The following TBC1D14 variants were observed in gnomAD, a reference collection of about 807,000 sequenced individuals.
TBC1D14 encodes the protein TBC1 domain family, member 14.
Under a neutral mutation model 79.0 loss-of-function variants are expected in TBC1D14, and 26 were observed. The ratio of observed to expected loss-of-function variants is 0.33; its 90% CI spans 0.24 to 0.46. The LOEUF is 0.46. Ranked by LOEUF, TBC1D14 falls within the 20% of genes least tolerant of loss-of-function variation. TBC1D14 has a pLI of 1.00. For synonymous variants in TBC1D14, 394 were observed against 349.9 expected (o/e 1.13, Z -1.40); for missense variants, 769 against 887.6 (o/e 0.87, Z 1.70).
intron 8 of TBC1D14, among the ~76,000 whole-genome samples, 164 bp from the exon 9 acceptor site, chr4:7,006,468 C>G (rs1720206625): frequency 6.6e-6 from 1 of 152,214 alleles, no homozygotes; most frequent in South Asian, 2.1e-4. Flanking sequence ...ACCCTGCAAT[C>G]TGTTAAATAC....
intron 1 of TBC1D14, among the ~76,000 whole-genome samples, chr4:6,918,639 G>T (rs1455523924): frequency 6.6e-6 from 1 of 152,190 alleles, no homozygotes; most frequent in Non-Finnish European, 1.5e-5. Flanking sequence ...CTTGGCAAGT[G>T]GCAGAGCCAG....
At chr4:6,982,863 T>A (rs1717503297) in intron 3 of TBC1D14, among the ~76,000 whole-genome samples, 1 of 152,210 alleles carries the variant, frequency 6.6e-6, no homozygotes, top group Non-Finnish European at 1.5e-5. Flanking sequence ...TCCTCATAAA[T>A]GCAGAGACCA....
Position 6,975,236 on chromosome 4 carries a change from G to C in TBC1D14, c.843+7812G>C, listed in dbSNP as rs150989073. Among the ~76,000 whole-genome samples the C allele has an allele frequency of 2.2e-4, 33 of 151,972 alleles. No individual in the cohort carries two copies. The East Asian group carries it at 6.4e-3, about 29-fold the overall frequency. Reference sequence around the variant, plus strand: ...GCCTGTTTTTTGTTTTTGAGATAGGGTCTTGCTCTGTCCCCCAGGCTGGAG... The same window carrying C: ...GCCTGTTTTTTGTTTTTGAGATAGGCTCTTGCTCTGTCCCCCAGGCTGGAG... On this transcript the variant is annotated intron_variant, in intron 3 of 13. Transcript: ENST00000409757.
intron 3 of TBC1D14, among the ~76,000 whole-genome samples, chr4:6,987,781 A>G (rs1718027788): frequency 1.3e-5 from 2 of 152,304 alleles, no homozygotes; most frequent in South Asian, 4.1e-4. Context: ...TCTAGAGCCC[A>G]ATGAGGTGGT....
intron 1 of TBC1D14, among the ~76,000 whole-genome samples, chr4:6,912,023 G>A (rs550211028): frequency 3.2e-4 from 49 of 152,266 alleles, no homozygotes; most frequent in African/African-American, 1.1e-3. Context: ...CGGCTCAAGC[G>A]ATTCTCCCGA....
At chr4:7,022,437 A>C (rs1577188075) in intron 12 of TBC1D14, among the ~76,000 whole-genome samples, 1 of 152,254 alleles carries the variant, frequency 6.6e-6, no homozygotes, top group Non-Finnish European at 1.5e-5. Flanking sequence ...CCAGGGCCTC[A>C]TGAAGGAGGG....
Position 6,994,318 on chromosome 4 carries a change from CT to C in TBC1D14, c.962+17del. On this transcript the variant is annotated intron_variant, in intron 4 of 13. Transcript: ENST00000409757. ...ACAGACCAGCGTGAGTTTAAGAAGA[CT>C]CTCTTTAGAGTGTTTGCTTTAGGAA... 3.1e-6 allele frequency: 5 copies of C among 1,606,420 alleles called. No homozygotes were observed. The highest frequency in any genetic ancestry group is 4.3e-6 in the Non-Finnish European group (5 of 1,172,978).
At chr4:6,996,505 C>A in intron 5 of TBC1D14, 98 bp downstream of exon 5, 3 of 872,054 alleles carry the variant, frequency 3.4e-6, no homozygotes, top group South Asian at 1.6e-5. Flanking sequence ...AGAACCTGAA[C>A]TTCAGTCTTT....
intron 3 of TBC1D14, among the ~76,000 whole-genome samples, chr4:6,975,351 G>A (rs1188006186): frequency 6.6e-6 from 1 of 152,074 alleles, no homozygotes. Context: ...CGGGACTACA[G>A]GCACGTGACA....
At chr4:7,017,762 AC>A (rs1721424670) in intron 12 of TBC1D14, among the ~76,000 whole-genome samples, 1 of 152,226 alleles carries the variant, frequency 6.6e-6, no homozygotes, top group South Asian at 2.1e-4. Flanking sequence ...CAGTTCCAGT[AC>A]AGGGCAAGGC....
intron 12 of TBC1D14, 62 bp downstream of exon 12, chr4:7,014,619 T>C: frequency 8.5e-7 from 1 of 1,183,274 alleles, no homozygotes; most frequent in South Asian, 1.3e-5. Flanking sequence ...TTCTTCACTC[T>C]CTTCTCTGCC....
At chr4:6,910,906 C>A (rs1305307756) in intron 1 of TBC1D14, among the ~76,000 whole-genome samples, 1 of 152,196 alleles carries the variant, frequency 6.6e-6, no homozygotes, top group Admixed American at 6.6e-5. Context: ...TTATTTCACG[C>A]ACTGAGGCTA....
chr4:6,947,787 A>G (rs1328008748), intron 2 of TBC1D14, among the ~76,000 whole-genome samples: 1 of 152,166 alleles, frequency 6.6e-6, no homozygotes, highest in Admixed American at 6.5e-5. Context: ...TTCAGGGAGA[A>G]CACTAGATCT....
At chr4:6,958,083 G>A (rs1309553478) in intron 2 of TBC1D14, among the ~76,000 whole-genome samples, 1 of 152,050 alleles carries the variant, frequency 6.6e-6, no homozygotes, top group Admixed American at 6.6e-5. Context: ...CTGCTCCCAG[G>A]TTCTCAGCTC....
At chr4:6,954,470 T>TC in intron 2 of TBC1D14, 1 of 696,748 alleles carries the variant, frequency 1.4e-6, no homozygotes, top group Non-Finnish European at 2.7e-6. Flanking sequence ...TCTGTGGGTC[T>TC]CCCCCGGTGT....
intron 2 of TBC1D14, among the ~76,000 whole-genome samples, chr4:6,946,154 G>A (rs1482987474): frequency 3.9e-5 from 6 of 151,936 alleles, no homozygotes; most frequent in South Asian, 2.1e-4. Context: ...CTACATTTCC[G>A]GTCATCAGGA....
intron 12 of TBC1D14, among the ~76,000 whole-genome samples, chr4:7,017,776 A>G (rs1721426481): frequency 6.6e-6 from 1 of 152,236 alleles, no homozygotes; most frequent in South Asian, 2.1e-4. Context: ...GGCAAGGCAT[A>G]TAGAAAGGCA....
intron 3 of TBC1D14, among the ~76,000 whole-genome samples, chr4:6,972,308 G>A (rs1055303635): frequency 2.6e-5 from 4 of 152,148 alleles, no homozygotes; most frequent in South Asian, 2.1e-4. Flanking sequence ...GAAGAATTGC[G>A]GTGATAAGCA....
At chr4:7,021,531 A>T (rs1056876206) in intron 12 of TBC1D14, among the ~76,000 whole-genome samples, 3 of 152,188 alleles carry the variant, frequency 2.0e-5, no homozygotes, top group African/African-American at 7.2e-5. Flanking sequence ...CAGGAGGTCT[A>T]GGTTGCAGTG....
Sources: gnomAD v4.1 joint callset for allele counts (sites outside exome capture counted in the v4.1 genomes callset) on GRCh38, gnomAD v4.1.1 for gene constraint, MANE v1.5 for transcripts, NCBI Gene and HGNC (gene_info 2026-07-23, HGNC 2026-07-21) for gene names.